SMYD3: variants seen among roughly 807,000 people sequenced by gnomAD.
SMYD3 encodes the protein histone-lysine N-methyltransferase SMYD3.
In SMYD3, 36 loss-of-function variants were observed where a neutral mutation model predicts 57.7. The observed-to-expected ratio is 0.62, with a 90% CI of 0.48 to 0.82. The LOEUF is 0.82. Among genes scored for constraint, SMYD3 ranks in the 40% least tolerant of loss-of-function variants. The pLI is 0.00. For synonymous variants in SMYD3, 211 were observed against 195.0 expected, an observed-to-expected ratio of 1.08 and a Z score of -0.68; for missense variants, 515 against 538.8, an observed-to-expected ratio of 0.96 and a Z score of 0.44.
chr1:246,347,305 G>C (rs550628890), intron 2 of SMYD3, among the ~76,000 whole-genome samples: 13 of 152,244 alleles, frequency 8.5e-5, no homozygotes, highest in African/African-American at 3.1e-4. Context: ...ATTAATGCCA[G>C]GCACCAAACC....
intron 5 of SMYD3, among the ~76,000 whole-genome samples, chr1:246,256,771 T>C (rs1363344190): frequency 3.5e-5 from 5 of 143,348 alleles, no homozygotes; most frequent in Non-Finnish European, 7.6e-5. Context: ...ATCATTAAAT[T>C]GGGATCTTTC....
At chr1:246,052,976 C>T (rs2060087440) in intron 5 of SMYD3, 1 of 152,300 alleles carries the variant, frequency 6.6e-6, no homozygotes, top group Admixed American at 6.5e-5. Context: ...GTGGCTCACG[C>T]CTATAATCCC....
intron 1 of SMYD3, among the ~76,000 whole-genome samples, chr1:246,387,376 T>C (rs1033094257): frequency 1.3e-5 from 2 of 152,232 alleles, no homozygotes; most frequent in Non-Finnish European, 2.9e-5. Context: ...AAACATTTAA[T>C]GTATTAAGTA....
At chr1:246,296,645 T>C (rs1455896884) in intron 5 of SMYD3, among the ~76,000 whole-genome samples, 2 of 152,164 alleles carry the variant, frequency 1.3e-5, no homozygotes, top group Non-Finnish European at 2.9e-5. Context: ...TTCCTTCTAC[T>C]TTCTCTATAA....
At chr1:246,333,490 G>A (rs1432472196) in intron 3 of SMYD3, among the ~76,000 whole-genome samples, 1 of 152,088 alleles carries the variant, frequency 6.6e-6, no homozygotes. Flanking sequence ...GAAAATATTC[G>A]CAAACTATGC....
intron 8 of SMYD3, among the ~76,000 whole-genome samples, chr1:245,867,653 C>CGT (rs1266547205): frequency 7.6e-6 from 1 of 132,230 alleles, no homozygotes; most frequent in South Asian, 2.3e-4. Flanking sequence ...CATGCGCGTG[C>CGT]GTGTGCGTGC....
intron 5 of SMYD3, among the ~76,000 whole-genome samples, chr1:246,246,585 A>T (rs531395459): frequency 6.6e-6 from 1 of 152,270 alleles, no homozygotes; most frequent in East Asian, 1.9e-4. Context: ...GGAAGCTTGA[A>T]GCTTCAAATT....
intron 5 of SMYD3, among the ~76,000 whole-genome samples, chr1:246,067,029 A>C (rs2060354272): frequency 6.6e-6 from 1 of 152,222 alleles, no homozygotes; most frequent in Admixed American, 6.5e-5. Context: ...TTAGATAGTC[A>C]ATAAAAGTAA....
chr1:246,245,657 T>C (rs1275581591), intron 5 of SMYD3, among the ~76,000 whole-genome samples: 1 of 152,186 alleles, frequency 6.6e-6, no homozygotes, highest in Non-Finnish European at 1.5e-5. Flanking sequence ...ATTTCAGATT[T>C]AACGTGGAAA....
intron 5 of SMYD3, among the ~76,000 whole-genome samples, chr1:245,990,770 G>C (rs919626206): frequency 1.3e-5 from 2 of 152,214 alleles, no homozygotes; most frequent in South Asian, 2.1e-4. Flanking sequence ...TTTTAGTCCA[G>C]TGGGACTCAT....
At chr1:246,103,221 G>A (rs55953437) in intron 5 of SMYD3, among the ~76,000 whole-genome samples, 2,255 of 152,206 alleles carry the variant, frequency 0.015, 141 homozygotes, top group Admixed American at 0.11. Context: ...TTATAATACA[G>A]AAGGCCCCAT....
intron 5 of SMYD3, among the ~76,000 whole-genome samples, chr1:246,226,232 C>T (rs556363898): frequency 3.3e-5 from 5 of 152,296 alleles, no homozygotes; most frequent in Non-Finnish European, 7.4e-5. Flanking sequence ...CTGTTAGTTG[C>T]TTCATACTGA....
At chr1:245,800,539 A>G (rs2148235768) in intron 10 of SMYD3, among the ~76,000 whole-genome samples, 1 of 152,262 alleles carries the variant, frequency 6.6e-6, no homozygotes, top group East Asian at 1.9e-4. Flanking sequence ...GATACAGACC[A>G]AGAGAGCTCA....
chr1:246,229,868 G>A (rs10924574), intron 5 of SMYD3, among the ~76,000 whole-genome samples: 31,571 of 144,708 alleles, frequency 0.22, 3,999 homozygotes, highest in East Asian at 0.58. Flanking sequence ...CCTTTCAAGC[G>A]TTTTGAGGTA....
At chr1:245,828,016 A>T (rs1003120449) in intron 10 of SMYD3, among the ~76,000 whole-genome samples, 3 of 152,250 alleles carry the variant, frequency 2.0e-5, no homozygotes, top group African/African-American at 7.2e-5. Context: ...TAGTCATTTT[A>T]AGGAGATATG....
chr1:245,853,209 G>A (rs1177352100), intron 10 of SMYD3, among the ~76,000 whole-genome samples: 1 of 152,170 alleles, frequency 6.6e-6, no homozygotes, highest in Non-Finnish European at 1.5e-5. Context: ...CTGGCTCTGA[G>A]TTGTTCTCTA....
In SMYD3 at chr1:245,925,615, T is replaced by C. The variant is rs147395722; in HGVS notation, c.702+2316A>G. Reference sequence around the variant, plus strand: ...CGATGAAGAACTGTCCCATTCAAAATGGCAATAGTGTCCCCACAAGAAATA... The same window carrying C: ...CGATGAAGAACTGTCCCATTCAAAACGGCAATAGTGTCCCCACAAGAAATA... On this transcript the variant is annotated intron_variant, in intron 7 of 11. Transcript: ENST00000490107. 6.0e-4 allele frequency among the ~76,000 whole-genome samples: 92 copies of C among 152,294 alleles called. 1 individual carries two copies. The highest frequency in any genetic ancestry group is 2.1e-3 in the African/African-American group (87 of 41,568).
chr1:245,872,036 C>T (rs1049071336), intron 8 of SMYD3, among the ~76,000 whole-genome samples: 4 of 152,194 alleles, frequency 2.6e-5, no homozygotes, highest in African/African-American at 4.8e-5. Flanking sequence ...TGATCCACCA[C>T]AAACCACACC....
intron 5 of SMYD3, among the ~76,000 whole-genome samples, chr1:245,983,413 A>G (rs567682577): frequency 9.2e-5 from 14 of 152,370 alleles, no homozygotes; most frequent in Admixed American, 7.8e-4. Context: ...AACGACAACC[A>G]GCTTTCATGA....
Sources: gnomAD v4.1 joint callset for allele counts (sites outside exome capture counted in the v4.1 genomes callset) on GRCh38, gnomAD v4.1.1 for gene constraint, MANE v1.5 for transcripts, NCBI Gene and HGNC (gene_info 2026-07-23, HGNC 2026-07-21) for gene names.